ACOT1: variants seen among roughly 807,000 people sequenced by gnomAD.
The protein encoded by ACOT1 is acyl-coenzyme A thioesterase 1.
Under a neutral mutation model 15.7 loss-of-function variants are expected in ACOT1, and 8 were observed. That is an observed-to-expected ratio of 0.51 (90% CI 0.30 to 0.92). ACOT1 has a LOEUF of 0.92. ACOT1 is among the 40% of genes least tolerant of loss of function. The probability of loss-of-function intolerance (pLI) is 0.06; values close to 1 mark genes in which losing one functional copy is unlikely to be tolerated. For synonymous variants in ACOT1, 67 were observed against 241.2 expected (o/e 0.28, Z 6.69); for missense variants, 151 against 539.4 (o/e 0.28, Z 7.13).
At chr14:73,495,049 G>T in the ACOT1 span, among the ~76,000 whole-genome samples, 1 of 100,438 alleles carries the variant, frequency 1.0e-5, no homozygotes, top group African/African-American at 3.8e-5. Flanking sequence ...AAAAACCCGA[G>T]AAACAAACAA....
At chr14:73,511,977 T>G in the ACOT1 span, 3 of 1,613,404 alleles carry the variant, frequency 1.9e-6, no homozygotes, top group Admixed American at 3.3e-5. Context: ...GTTGCTTATG[T>G]TCTCAAGCAG....
At chr14:73,491,356 C>T in the ACOT1 span, 1 of 1,429,948 alleles carries the variant, frequency 7.0e-7, no homozygotes, top group South Asian at 1.5e-5. Context: ...CCGCCGCGCG[C>T]TCCCTGCAGA....
the ACOT1 span, chr14:73,522,847 G>A: frequency 1.2e-6 from 2 of 1,614,108 alleles, no homozygotes; most frequent in Non-Finnish European, 1.7e-6. Flanking sequence ...GAGTATGGAT[G>A]ATGTCATTGG....
chr14:73,524,611 T>C, the ACOT1 span, among the ~76,000 whole-genome samples: 1 of 149,922 alleles, frequency 6.7e-6, no homozygotes, highest in African/African-American at 2.5e-5. Context: ...GAGAGGTAGG[T>C]AAATTGCTTC....
chr14:73,522,279 A>T, the ACOT1 span: 1 of 1,613,670 alleles, frequency 6.2e-7, no homozygotes, highest in African/African-American at 1.3e-5. Context: ...TACCTGTAGT[A>T]AACGGGAAGC....
chr14:73,497,430 C>A, the ACOT1 span, among the ~76,000 whole-genome samples: 1 of 152,156 alleles, frequency 6.6e-6, no homozygotes, highest in South Asian at 2.1e-4. Flanking sequence ...ATTATCACCA[C>A]AACCCTATAA....
At chr14:73,519,081 T>C in the ACOT1 span, 8 of 1,613,990 alleles carry the variant, frequency 5.0e-6, no homozygotes, top group Non-Finnish European at 6.8e-6. Context: ...AGACCTTAGA[T>C]AGCTGCTTGT....
chr14:73,540,602 A>G (rs1889043609), intron 1 of ACOT1, among the ~76,000 whole-genome samples: 1 of 111,932 alleles, frequency 8.9e-6, no homozygotes, highest in African/African-American at 3.2e-5. Flanking sequence ...AATACTATGA[A>G]GAAAACCAAG....
At chr14:73,508,255 G>C in the ACOT1 span, 5 of 1,614,022 alleles carry the variant, frequency 3.1e-6, no homozygotes, top group Non-Finnish European at 4.2e-6. Flanking sequence ...ACCTTCCAGA[G>C]CCAAGCACTG....
At chr14:73,525,622 T>G in the ACOT1 span, among the ~76,000 whole-genome samples, 1 of 152,132 alleles carries the variant, frequency 6.6e-6, no homozygotes, top group African/African-American at 2.4e-5. Context: ...ATTGTCTCCA[T>G]GCAGGAACAC....
At chr14:73,492,812 C>A in the ACOT1 span, 2 of 1,613,956 alleles carry the variant, frequency 1.2e-6, no homozygotes, top group Non-Finnish European at 1.7e-6. This position sits in a 1 kb window ranked among gnomAD's most constrained non-coding sequence, Gnocchi z 4.9. Context: ...GGAACTGTTG[C>A]TTGGTTCTTA....
At chr14:73,523,242 G>A in the ACOT1 span, 1 of 1,305,982 alleles carries the variant, frequency 7.7e-7, no homozygotes, top group Admixed American at 2.5e-5. Flanking sequence ...GGGAATGGGA[G>A]GAACTGATGA....
the ACOT1 span, among the ~76,000 whole-genome samples, chr14:73,517,788 G>T: frequency 6.6e-6 from 1 of 151,358 alleles, no homozygotes; most frequent in African/African-American, 2.4e-5. Context: ...AGGAAGGGAG[G>T]AAGGAGAAAA....
chr14:73,534,005 C>A (rs1397554790), upstream of ACOT1, among the ~76,000 whole-genome samples: 2 of 111,774 alleles, frequency 1.8e-5, 1 homozygote, highest in Non-Finnish European at 3.9e-5. Context: ...TCCTTTGAAC[C>A]CAGGAGTTCA....
chr14:73,538,020 C>A lies in ACOT1; in HGVS notation c.457+142C>A. On this transcript the variant is annotated intron_variant, in intron 1 of 2. Coordinates refer to ENST00000311148, the MANE Select transcript of ACOT1 (RefSeq NM_001037161.2). ...CTCCTCCCGCCCCACCACCACCACC[C>A]CGGGCTATGTTGCCCAGGTAGGTCT... 2.6e-6 allele frequency: 2 copies of A among 768,870 alleles called. 1 individual carries two copies. Among genetic ancestry groups the A allele is most frequent in the Non-Finnish European group, 3.5e-6 (2 of 571,106 alleles). The allele number at this position is 768,870 out of a possible 1,614,324, so 47.6% of individuals were successfully genotyped here.
chr14:73,497,648 C>T, the ACOT1 span, among the ~76,000 whole-genome samples: 56 of 150,618 alleles, frequency 3.7e-4, no homozygotes, highest in Non-Finnish European at 7.1e-4. Context: ...TTTTTTGAGA[C>T]GGAGTTTTGC....
upstream of ACOT1, among the ~76,000 whole-genome samples, chr14:73,535,631 G>A (rs2140308974): frequency 1.8e-5 from 2 of 109,624 alleles, 1 homozygote; most frequent in Non-Finnish European, 3.9e-5. Flanking sequence ...ACCACGCCCG[G>A]CGAATTTTTT....
At chr14:73,509,892 G>T in the ACOT1 span, among the ~76,000 whole-genome samples, 5 of 126,744 alleles carry the variant, frequency 3.9e-5, no homozygotes, top group South Asian at 7.4e-4. Flanking sequence ...TATATTTTTT[G>T]AGACGGAGTC....
At chr14:73,500,254 A>C in the ACOT1 span, among the ~76,000 whole-genome samples, 1 of 151,636 alleles carries the variant, frequency 6.6e-6, no homozygotes, top group Non-Finnish European at 1.5e-5. Context: ...AACAAACAAA[A>C]AAACCATGAG....
Sources: gnomAD v4.1 joint callset for allele counts (sites outside exome capture counted in the v4.1 genomes callset) on GRCh38, gnomAD v4.1.1 for gene constraint, Gnocchi (gnomAD v3.1) non-coding constraint, MANE v1.5 for transcripts, NCBI Gene and HGNC (gene_info 2026-07-23, HGNC 2026-07-21) for gene names.